LRBA: variants seen among roughly 807,000 people sequenced by gnomAD.
LRBA encodes lipopolysaccharide-responsive and beige-like anchor protein.
Under a neutral mutation model 330.0 loss-of-function variants are expected in LRBA, and 176 were observed. That is an observed-to-expected ratio of 0.53 (90% CI 0.47 to 0.60). The LOEUF (loss-of-function observed/expected upper bound fraction) is 0.60, where lower values mean the gene tolerates loss of function less well. Among genes scored for constraint, LRBA ranks in the 20% least tolerant of loss-of-function variants. The pLI is 0.00. For missense variants in LRBA, 3,259 were observed against 3,444.8 expected (o/e 0.95, Z 1.35); for synonymous variants, 1,230 against 1,193.0 (o/e 1.03, Z -0.64).
intron 28 of LRBA, among the ~76,000 whole-genome samples, chr4:150,841,684 G>A (rs972440055): frequency 7.3e-5 from 11 of 150,332 alleles, no homozygotes; most frequent in Non-Finnish European, 1.5e-4. Context: ...ACAGAGTCTT[G>A]CTCTGTCGCC....
chr4:150,264,728 A>G lies in LRBA; in HGVS notation c.*994T>C, dbSNP rs900641148. 1 of 152,692 alleles carries G rather than the reference A, an allele frequency of 6.5e-6. No homozygotes were observed. The highest frequency in any genetic ancestry group is 2.4e-5 in the African/African-American group (1 of 41,474). 9.5% of individuals were successfully genotyped at this position (152,692 alleles called of 1,614,324 possible). On this transcript the variant is annotated 3_prime_UTR_variant, in exon 57 of 57. Coordinates refer to ENST00000651943, the MANE Select transcript of LRBA (RefSeq NM_001364905.1). ...TCAAATATTTTTCACAGAATTCCACACAGTAATCTACTAGAAAAGTAGAAT... is the reference window on the plus strand; with the variant it reads ...TCAAATATTTTTCACAGAATTCCACGCAGTAATCTACTAGAAAAGTAGAAT...
intron 44 of LRBA, among the ~76,000 whole-genome samples, chr4:150,446,813 C>T (rs1038941387): frequency 6.6e-6 from 1 of 152,158 alleles, no homozygotes; most frequent in African/African-American, 2.4e-5. Flanking sequence ...CTAAAATTTA[C>T]CTTATTTCTC....
rs530816966 is a variant in LRBA, at chr4:150,364,489, C to T, written c.7195-14330G>A. 1.7e-3 allele frequency among the ~76,000 whole-genome samples: 257 copies of T among 152,274 alleles called. 1 individual carries two copies. Among genetic ancestry groups the T allele is most frequent in the Non-Finnish European group, 3.0e-3 (204 of 68,026 alleles). On this transcript the variant is annotated intron_variant, in intron 47 of 56. Transcript: ENST00000651943. Reference sequence around the variant, plus strand: ...CTCTGACTCCTAAAGCCATATTAACCACAACACATCCTTTTGAACCAAAGC... The same window carrying T: ...CTCTGACTCCTAAAGCCATATTAACTACAACACATCCTTTTGAACCAAAGC...
At position 150,928,120 on chromosome 4, in the gene LRBA, A is replaced by G. The variant is rs184673921; in HGVS notation, c.549+396T>C. Among the ~76,000 whole-genome samples, 61 of 152,320 alleles carry G rather than the reference A, an allele frequency of 4.0e-4. No individual in the cohort carries two copies. In the East Asian group the frequency reaches 0.011, roughly 28 times the overall value. ...AGTTGCATCTCAAGAGGGTAGATCC[A>G]ATTAACTGCAGAGGTTTTGTTCACG... is the stretch of plus-strand genomic sequence containing the variant. On this transcript the variant is annotated intron_variant, in intron 4 of 56. Transcript: ENST00000651943.
intron 40 of LRBA, among the ~76,000 whole-genome samples, chr4:150,523,008 T>G (rs557354202): frequency 6.6e-6 from 1 of 152,274 alleles, no homozygotes; most frequent in East Asian, 1.9e-4. Flanking sequence ...AGGCGGTAAC[T>G]TGTTTGATTT....
In LRBA at chr4:150,593,289, C is replaced by T. The variant is rs147321476; in HGVS notation, c.6047-2430G>A. On this transcript the variant is annotated intron_variant, in intron 38 of 56. Transcript: ENST00000651943. The stretch of plus-strand genomic sequence containing the variant: ...CTTCAAAGCAGAAATAATAATAAGG[C>T]TAATATTACATATCATTTTGCATAA... 7.9e-5 allele frequency among the ~76,000 whole-genome samples: 12 copies of T among 152,180 alleles called. No individual in the cohort carries two copies. The East Asian group carries it at 2.1e-3, about 27-fold the overall frequency.
chr4:150,414,523 C>T lies in LRBA; in HGVS notation c.7194+915G>A, dbSNP rs146270060. 4.1e-3 allele frequency among the ~76,000 whole-genome samples: 630 copies of T among 152,146 alleles called. 4 individuals are homozygous for T. The highest frequency in any genetic ancestry group is 0.014 in the African/African-American group (566 of 41,510). On this transcript the variant is annotated intron_variant, in intron 47 of 56. Coordinates refer to ENST00000651943, the MANE Select transcript of LRBA (RefSeq NM_001364905.1). ...TTTATTTTTTCGAGACAGAGTTTCACTGTGTCACCCAGGCTGGAGTACAAT... is the reference window on the plus strand; with the variant it reads ...TTTATTTTTTCGAGACAGAGTTTCATTGTGTCACCCAGGCTGGAGTACAAT...
At position 150,850,889 on chromosome 4, in the gene LRBA, T is replaced by C. The variant is rs762737076; in HGVS notation, c.3839A>G (p.His1280Arg). The change falls in exon 24 of 57, where the codon CAT becomes CGT. Residue 1280 changes from histidine (H) to arginine (R), a missense_variant. Coordinates refer to ENST00000651943, the MANE Select transcript of LRBA (RefSeq NM_001364905.1). ...TGCTATTCCTTGCCCTGGCTGCTCATGTTGCCTTGATATCTAATACAGAAA... is the reference window on the plus strand; with the variant it reads ...TGCTATTCCTTGCCCTGGCTGCTCACGTTGCCTTGATATCTAATACAGAAA... The part of the protein sequence containing the change: ...HRHVLEISRQ[H>R]EQPGQGIAPD... The C allele has an allele frequency of 5.0e-6, 8 of 1,609,052 alleles. 2 individuals are homozygous for C. In the South Asian group the frequency reaches 8.9e-5, roughly 18 times the overall value.
chr4:151,000,926 C>A (rs1386377647), intron 2 of LRBA, among the ~76,000 whole-genome samples: 3 of 152,232 alleles, frequency 2.0e-5, no homozygotes, highest in African/African-American at 7.2e-5. Context: ...TGCGGGGAAA[C>A]AGTAAGTGGG....
In LRBA at chr4:150,282,470, C is replaced by T; in HGVS notation, c.8296G>A (p.Glu2766Lys). 2 of 1,614,110 alleles carry T rather than the reference C, an allele frequency of 1.2e-6. No individual in the cohort carries two copies. The highest frequency in any genetic ancestry group is 1.7e-6 in the Non-Finnish European group (2 of 1,179,980). Residue 2766 changes from glutamate (E) to lysine (K), a missense_variant, in exon 55 of 57, where the codon GAA becomes AAA. Transcript: ENST00000651943. ...CTCACTCTTATGTTATCATCTGTTT[C>T]CATCGTGGCCTGGAGTTTTCCATTC... is the stretch of plus-strand genomic sequence containing the variant. ...SVNGKLQATM[E>K]TDDNIRAIQL...
intron 33 of LRBA, 100 bp from the exon 34 acceptor site, chr4:150,798,242 T>C: frequency 1.3e-6 from 1 of 754,630 alleles, no homozygotes; most frequent in East Asian, 2.6e-5. Context: ...TTTTTCAGAC[T>C]ATTAATAGTG....
In LRBA at chr4:150,816,015, CAT is replaced by C. The variant is rs1262510127; in HGVS notation, c.5305+1107_5305+1108del. On this transcript the variant is annotated intron_variant, in intron 31 of 56. Coordinates refer to ENST00000651943, the MANE Select transcript of LRBA (RefSeq NM_001364905.1). ...TAAAAGAGAAGACAAAAGAAATAAA[CAT>C]AGTATTTGTTTCTAGGATACATGAT... 5.3e-5 allele frequency among the ~76,000 whole-genome samples: 8 copies of C among 151,874 alleles called. No homozygotes were observed. The East Asian group carries it at 1.5e-3, about 29-fold the overall frequency.
intron 37 of LRBA, among the ~76,000 whole-genome samples, chr4:150,649,870 G>A (rs1309975521): frequency 6.6e-6 from 1 of 152,034 alleles, no homozygotes; most frequent in Non-Finnish European, 1.5e-5. Flanking sequence ...CATTCAAAAT[G>A]TTTACAAATA....
At chr4:150,819,922 A>G (rs1281854449) in intron 30 of LRBA, among the ~76,000 whole-genome samples, 1 of 152,076 alleles carries the variant, frequency 6.6e-6, no homozygotes, top group Non-Finnish European at 1.5e-5. Flanking sequence ...ACATGAATTT[A>G]CATTTTACAT....
intron 35 of LRBA, among the ~76,000 whole-genome samples, chr4:150,747,275 C>T (rs1321220387): frequency 1.3e-5 from 2 of 152,188 alleles, no homozygotes; most frequent in African/African-American, 4.8e-5. Context: ...CCCACACCTG[C>T]TTTCCCTCCA....
At chr4:150,410,055 A>C (rs11728230) in intron 47 of LRBA, among the ~76,000 whole-genome samples, 34,320 of 152,018 alleles carry the variant, frequency 0.23, 4,467 homozygotes, top group Non-Finnish European at 0.3. Context: ...CAACAAAAAA[A>C]ACAATTTGAA....
chr4:150,996,487 C>A (rs1056525599), intron 2 of LRBA, among the ~76,000 whole-genome samples: 1 of 152,144 alleles, frequency 6.6e-6, no homozygotes, highest in East Asian at 1.9e-4. Flanking sequence ...TTGGTCATTC[C>A]ATTTTTTCCT....
chr4:150,436,876 G>T lies in LRBA; in HGVS notation c.6781-12C>A, dbSNP rs755168377. 6.2e-7 allele frequency: 1 copy of T among 1,610,400 alleles called. No individual in the cohort carries two copies. The highest frequency in any genetic ancestry group is 8.5e-7 in the Non-Finnish European group (1 of 1,177,740). ...AGAGCTCCTATTGGCTGCCAATAGGGAGGGAAAAAACAAAGAATACATCAA... is the reference window on the plus strand; with the variant it reads ...AGAGCTCCTATTGGCTGCCAATAGGTAGGGAAAAAACAAAGAATACATCAA... On this transcript the variant is annotated splice_polypyrimidine_tract_variant and intron_variant, in intron 44 of 56. Coordinates refer to ENST00000651943, the MANE Select transcript of LRBA (RefSeq NM_001364905.1).
chr4:150,335,530 G>A (rs1304890103), intron 48 of LRBA, among the ~76,000 whole-genome samples: 1 of 146,150 alleles, frequency 6.8e-6, no homozygotes, highest in Admixed American at 6.8e-5. Flanking sequence ...TTATATATGT[G>A]TGTATATATA....
Sources: allele counts gnomAD v4.1 joint callset (sites outside exome capture counted in the v4.1 genomes callset), GRCh38; gene constraint gnomAD v4.1.1; transcripts MANE v1.5; gene names NCBI Gene and HGNC (gene_info 2026-07-23, HGNC 2026-07-21).